The following FREM2 variants were observed in gnomAD, a reference collection of about 807,000 sequenced individuals.
FREM2 encodes FRAS1-related extracellular matrix protein 2.
Under a neutral mutation model 219.9 loss-of-function variants are expected in FREM2, and 119 were observed. The observed-to-expected ratio is 0.54, with a 90% CI of 0.47 to 0.63. The LOEUF (loss-of-function observed/expected upper bound fraction) is 0.63, where lower values mean the gene tolerates loss of function less well. Among genes scored for constraint, FREM2 ranks in the 30% least tolerant of loss-of-function variants. FREM2 has a pLI of 0.00. For synonymous variants in FREM2, 1,562 were observed against 1,522.8 expected, an observed-to-expected ratio of 1.03 and a Z score of -0.60; for missense variants, 4,030 against 3,993.6, an observed-to-expected ratio of 1.01 and a Z score of -0.25.
chr13:38,867,942 C>G (rs1878030139), intron 16 of FREM2, among the ~76,000 whole-genome samples: 2 of 152,192 alleles, frequency 1.3e-5, no homozygotes, highest in African/African-American at 4.8e-5. Flanking sequence ...TTTCTGGAAA[C>G]ACTCTCATGG....
At chr13:38,811,040 T>G (rs1312883091) in intron 6 of FREM2, among the ~76,000 whole-genome samples, 1 of 152,018 alleles carries the variant, frequency 6.6e-6, no homozygotes, top group African/African-American at 2.4e-5. Context: ...GTAAATTAAT[T>G]TTTTATATTA....
chr13:38,726,778 T>G (rs1192454397), intron 2 of FREM2, among the ~76,000 whole-genome samples: 1 of 152,230 alleles, frequency 6.6e-6, no homozygotes, highest in Non-Finnish European at 1.5e-5. Flanking sequence ...ACTGCTCTTA[T>G]ATGCTATTTT....
At chr13:38,697,593 A>G (rs1870163607) in intron 1 of FREM2, 105 bp from the exon 2 acceptor site, 1 of 730,246 alleles carries the variant, frequency 1.4e-6, no homozygotes, top group Non-Finnish European at 2.5e-6. Context: ...GGAAAAAGGA[A>G]TTTAAACATG....
rs1877315234 is a variant in FREM2, at chr13:38,850,129, G to A, written c.6471G>A (p.Gln2157=). The A allele has an allele frequency of 6.2e-7, 1 of 1,613,870 alleles. No individual in the cohort carries two copies. The change falls in exon 9 of 24, where the codon CAG becomes CAA. Residue 2157 remains glutamine, a synonymous_variant. Transcript: ENST00000280481. ...TGATCCATAGGACTGGGGATGTCCA[G>A]TACAGATCTTCAGTGAGATGCTACA... ...VTMIHRTGDV[Q]YRSSVRCYTR...
intron 20 of FREM2, among the ~76,000 whole-genome samples, chr13:38,876,652 G>A (rs938547630): frequency 1.3e-4 from 20 of 152,090 alleles, no homozygotes; most frequent in African/African-American, 4.8e-4. Context: ...TCCTCCTGAA[G>A]TTTGCTGTCT....
Position 38,851,776 on chromosome 13 carries a change from G to T in FREM2, c.6833G>T (p.Arg2278Leu). The T allele has an allele frequency of 1.2e-6, 2 of 1,613,544 alleles. No homozygotes were observed. The highest frequency in any genetic ancestry group is 1.7e-6 in the Non-Finnish European group (2 of 1,179,612). The change falls in exon 11 of 24, where the codon CGC (arginine) becomes CTC (leucine). Residue 2278 changes from arginine to leucine, a missense_variant. This residue lies in a region of FREM2 where 3,102 missense variants were observed against 2,950.7 expected (regional missense o/e 1.05). Coordinates refer to ENST00000280481, the MANE Select transcript of FREM2 (RefSeq NM_207361.6). ...ESVVIRIPVI[R>L]QGDTSKVSIV... ...GTGGTTATAAGAATTCCAGTGATTC[G>T]CCAAGGAGACACTTCAAAGGTTTCC...
At chr13:38,745,770 A>G (rs911730160) in intron 2 of FREM2, among the ~76,000 whole-genome samples, 3 of 152,236 alleles carry the variant, frequency 2.0e-5, no homozygotes, top group Admixed American at 1.3e-4. Flanking sequence ...TTTCAATCCG[A>G]TTGAAACCAG....
chr13:38,861,422 T>C lies in FREM2; in HGVS notation c.7520-9T>C, dbSNP rs775586596. On this transcript the variant is annotated splice_polypyrimidine_tract_variant and intron_variant, in intron 14 of 23. Transcript: ENST00000280481. ...TTTTCGCATAAATATGGTCTTTTTT[T>C]TTTTCAAGGTCTTTGTCAGCCCCGT... 1.9e-6 allele frequency: 3 copies of C among 1,613,180 alleles called. No homozygotes were observed. In the Admixed American group the frequency reaches 5.0e-5, roughly 27 times the overall value.
In FREM2 at chr13:38,687,163, G is replaced by A. The variant is rs142232936; in HGVS notation, c.-182G>A. On this transcript the variant is annotated 5_prime_UTR_variant, in exon 1 of 24. Transcript: ENST00000280481. ...GGGAAGGCTTCGGCTCCTCGGCTGC[G>A]GCTCCAGCCCGGACGGCGCCGCGCA... The A allele has an allele frequency of 9.0e-3, 7,124 of 793,908 alleles. 80 individuals carry two copies. The highest frequency in any genetic ancestry group is 9.4e-3 in the Non-Finnish European group (4,748 of 505,710). 49.2% of individuals were successfully genotyped at this position (793,908 alleles called of 1,614,324 possible).
intron 10 of FREM2, 92 bp downstream of exon 10, chr13:38,851,200 C>A: frequency 8.0e-7 from 1 of 1,253,678 alleles, no homozygotes; most frequent in Non-Finnish European, 1.1e-6. Context: ...AATGCCCCCA[C>A]CTCCTCTGCT....
In FREM2 at chr13:38,690,377, G is replaced by A. The variant is rs751307181; in HGVS notation, c.3033G>A (p.Glu1011=). ...AGTTTACTCAAAGGGACATCTTGGA[G>A]GGCTCTGTTGTATATACCCACACCA... ...AEQFTQRDIL[E]GSVVYTHTSG... Residue 1011 remains glutamate, a synonymous_variant, in exon 1 of 24, where the codon GAG becomes GAA. Coordinates refer to ENST00000280481, the MANE Select transcript of FREM2 (RefSeq NM_207361.6). 6 of 1,614,204 alleles carry A rather than the reference G, an allele frequency of 3.7e-6. No individual in the cohort carries two copies. The highest frequency in any genetic ancestry group is 1.1e-5 in the South Asian group (1 of 91,086).
At chr13:38,784,158 A>G (rs1046795456) in intron 5 of FREM2, among the ~76,000 whole-genome samples, 151 of 152,354 alleles carry the variant, frequency 9.9e-4, no homozygotes, top group African/African-American at 3.6e-3. Flanking sequence ...AAGTGGTTCA[A>G]CTTCTGAAAA....
chr13:38,781,545 T>C (rs1874118266), intron 4 of FREM2, among the ~76,000 whole-genome samples: 1 of 152,182 alleles, frequency 6.6e-6, no homozygotes, highest in Non-Finnish European at 1.5e-5. Flanking sequence ...TTGTTACTTC[T>C]GTATCCCCTG....
At chr13:38,703,095 G>A (rs1325212691) in intron 2 of FREM2, among the ~76,000 whole-genome samples, 1 of 152,134 alleles carries the variant, frequency 6.6e-6, no homozygotes, top group Non-Finnish European at 1.5e-5. Context: ...CAAACACAAA[G>A]AGACTACCGG....
intron 6 of FREM2, among the ~76,000 whole-genome samples, chr13:38,815,193 C>T (rs1875716267): frequency 6.6e-6 from 1 of 152,188 alleles, no homozygotes; most frequent in African/African-American, 2.4e-5. Context: ...TCTTGCTCTA[C>T]TTCCCATGAA....
chr13:38,862,808 AG>A (rs200432488), intron 15 of FREM2, among the ~76,000 whole-genome samples: 21 of 152,276 alleles, frequency 1.4e-4, no homozygotes, highest in Admixed American at 5.9e-4. Flanking sequence ...GGAAAAAAAA[AG>A]AAGTCTACTT....
At chr13:38,866,924 C>G (rs1877990061) in intron 16 of FREM2, among the ~76,000 whole-genome samples, 1 of 152,168 alleles carries the variant, frequency 6.6e-6, no homozygotes, top group Non-Finnish European at 1.5e-5. Flanking sequence ...GAATGCAAAG[C>G]CTGCCCTCTA....
intron 2 of FREM2, among the ~76,000 whole-genome samples, chr13:38,761,724 G>A (rs1387267835): frequency 6.6e-6 from 1 of 152,130 alleles, no homozygotes; most frequent in East Asian, 1.9e-4. Context: ...CTTCACACAG[G>A]AGGGGGATAG....
At chr13:38,717,785 C>T (rs1392273248) in intron 2 of FREM2, among the ~76,000 whole-genome samples, 1 of 152,084 alleles carries the variant, frequency 6.6e-6, no homozygotes, top group Non-Finnish European at 1.5e-5. Context: ...TCTAAGTTCC[C>T]ACGATTCAAG....
Sources: gnomAD v4.1 joint callset for allele counts (sites outside exome capture counted in the v4.1 genomes callset) on GRCh38, gnomAD v4.1.1 for gene constraint, gnomAD v4.1.1 regional missense constraint, MANE v1.5 for transcripts, NCBI Gene and HGNC (gene_info 2026-07-23, HGNC 2026-07-21) for gene names.